Variants in NWD2 observed in about 807,000 individuals in gnomAD.
NWD2 encodes NACHT and WD repeat domain-containing protein 2.
NWD2 carries 37 observed loss-of-function variants against 132.7 expected under a neutral mutation model. That is an observed-to-expected ratio of 0.28 (90% CI 0.21 to 0.37). The LOEUF is 0.37. NWD2 is among the 10% of genes least tolerant of loss of function. NWD2 has a pLI of 1.00. For synonymous variants in NWD2, 705 were observed against 803.0 expected, an observed-to-expected ratio of 0.88 and a Z score of 2.06; for missense variants, 1,592 against 2,122.4, an observed-to-expected ratio of 0.75 and a Z score of 4.91.
intron 1 of NWD2, among the ~76,000 whole-genome samples, chr4:37,266,803 A>G (rs1717760895): frequency 6.6e-6 from 1 of 151,884 alleles, no homozygotes; most frequent in African/African-American, 2.4e-5. Context: ...TGTCTTTCTC[A>G]TTTTCACCCT....
intron 3 of NWD2, among the ~76,000 whole-genome samples, chr4:37,389,967 A>G (rs189792775): frequency 2.0e-5 from 3 of 152,010 alleles, no homozygotes; most frequent in African/African-American, 7.3e-5. Context: ...TCTGGTAGAG[A>G]TGGGGTTTCA....
chr4:37,307,221 C>T (rs1592262), intron 1 of NWD2, among the ~76,000 whole-genome samples: 11,048 of 152,158 alleles, frequency 0.073, 1,233 homozygotes, highest in African/African-American at 0.24. Flanking sequence ...ATCTGCTCTA[C>T]CAGTGTGTTT....
In NWD2 at chr4:37,386,550, C is replaced by T. The variant is rs1375204674; in HGVS notation, c.357+30068C>T. Among the ~76,000 whole-genome samples, 10 of 152,142 alleles carry T rather than the reference C, an allele frequency of 6.6e-5. No individual in the cohort carries two copies. The East Asian group carries it at 1.9e-3, about 29-fold the overall frequency. The stretch of plus-strand genomic sequence containing the variant: ...GCACACCCTGAACATGCAGTCCCAG[C>T]TCTGACCTGTGCTCTGAGCTCTGGG... On this transcript the variant is annotated intron_variant, in intron 3 of 6. Transcript: ENST00000309447.
chr4:37,267,435 C>G (rs1717777563), intron 1 of NWD2, among the ~76,000 whole-genome samples: 1 of 152,024 alleles, frequency 6.6e-6, no homozygotes, highest in East Asian at 1.9e-4. Flanking sequence ...CATAGCAACC[C>G]CATCAGAGCC....
Position 37,343,644 on chromosome 4 carries a change from T to C in NWD2, c.241-12722T>C, listed in dbSNP as rs1037870552. Among the ~76,000 whole-genome samples, 11 of 152,226 alleles carry C rather than the reference T, an allele frequency of 7.2e-5. No homozygotes were observed. In the South Asian group the frequency reaches 1.0e-3, roughly 14 times the overall value. ...TCAGTCATATTATCTCTATAGTTTT[T>C]TCCATTTTGCATTGAGATATTATTC... On this transcript the variant is annotated intron_variant, in intron 2 of 6. Transcript: ENST00000309447.
chr4:37,410,022 G>A (rs1224456978), intron 3 of NWD2, among the ~76,000 whole-genome samples: 1 of 152,144 alleles, frequency 6.6e-6, no homozygotes, highest in Non-Finnish European at 1.5e-5. Flanking sequence ...AACATGGAAA[G>A]GAACAACTGG....
chr4:37,322,430 G>A (rs1370335249), intron 1 of NWD2, among the ~76,000 whole-genome samples: 2 of 152,148 alleles, frequency 1.3e-5, no homozygotes, highest in Non-Finnish European at 2.9e-5. Context: ...ATTCCAGGAC[G>A]ACATCATAGC....
rs141841518 is a variant in NWD2, at chr4:37,430,962, A to G, written c.561+187A>G. ...TTAGGCAAACACAAATGAAACCACA[A>G]TGCCATATCACTTTACACCTGTTAG... On this transcript the variant is annotated intron_variant, in intron 4 of 6. Transcript: ENST00000309447. Among the ~76,000 whole-genome samples the G allele has an allele frequency of 7.9e-5, 12 of 152,270 alleles. No individual in the cohort carries two copies. In the East Asian group the frequency reaches 2.1e-3, roughly 27 times the overall value.
chr4:37,299,650 AG>A (rs1417868304), intron 1 of NWD2, among the ~76,000 whole-genome samples: 1 of 152,160 alleles, frequency 6.6e-6, no homozygotes, highest in Non-Finnish European at 1.5e-5. Flanking sequence ...TGTTGGGTGC[AG>A]GGTGGAGCCT....
intron 3 of NWD2, among the ~76,000 whole-genome samples, chr4:37,366,540 C>A (rs745766091): frequency 6.6e-5 from 10 of 152,088 alleles, no homozygotes; most frequent in Admixed American, 5.2e-4. Context: ...CTATTTTATT[C>A]ACTGTAAATA....
At chr4:37,423,266 A>C (rs1711876958) in intron 3 of NWD2, among the ~76,000 whole-genome samples, 1 of 152,184 alleles carries the variant, frequency 6.6e-6, no homozygotes, top group Non-Finnish European at 1.5e-5. Flanking sequence ...TGTGGACATT[A>C]TTTTAACAGG....
intron 3 of NWD2, among the ~76,000 whole-genome samples, chr4:37,367,231 T>G (rs1262689258): frequency 6.6e-6 from 1 of 152,134 alleles, no homozygotes; most frequent in Non-Finnish European, 1.5e-5. Context: ...CTAAATAAAC[T>G]ATGGGTCAAA....
intron 2 of NWD2, among the ~76,000 whole-genome samples, chr4:37,336,015 G>T (rs141761393): frequency 1.2e-3 from 183 of 151,928 alleles, no homozygotes; most frequent in African/African-American, 4.1e-3. Context: ...TTTCCAACTA[G>T]CCATGTTCTA....
Position 37,445,355 on chromosome 4 carries a change from A to G in NWD2, c.3367A>G (p.Thr1123Ala). Reference protein sequence around the residue: ...AFCGQYLNTTTIFHLGSGEKL... With the variant: ...AFCGQYLNTTAIFHLGSGEKL... ...CTGTGGCCAATACCTGAACACAACC[A>G]CCATATTTCATTTAGGGAGTGGAGA... The change falls in exon 7 of 7, where the codon ACC becomes GCC. Residue 1123 changes from threonine (T) to alanine (A), a missense_variant. Coordinates refer to ENST00000309447, the MANE Select transcript of NWD2 (RefSeq NM_001144990.2). The surrounding 1 kb of genome is among the most constrained non-coding windows in gnomAD (Gnocchi z 4.7). 1 of 1,552,098 alleles carries G rather than the reference A, an allele frequency of 6.4e-7. No individual in the cohort carries two copies. The highest frequency in any genetic ancestry group is 8.7e-7 in the Non-Finnish European group (1 of 1,147,096).
At chr4:37,247,903 C>A (rs1242706244) in intron 1 of NWD2, among the ~76,000 whole-genome samples, 4 of 152,192 alleles carry the variant, frequency 2.6e-5, no homozygotes, top group Non-Finnish European at 5.9e-5. Context: ...AGCCACCGCA[C>A]CTAACCGTAG....
chr4:37,367,683 A>T lies in NWD2; in HGVS notation c.357+11201A>T, dbSNP rs190137255. On this transcript the variant is annotated intron_variant, in intron 3 of 6. Coordinates refer to ENST00000309447, the MANE Select transcript of NWD2 (RefSeq NM_001144990.2). ...CACAGGTAAAATTGAAACCCAAAGA[A>T]GTGAAGGGAATTTTTATTTTCTGAA... 2.2e-3 allele frequency among the ~76,000 whole-genome samples: 334 copies of T among 152,286 alleles called. 3 individuals are homozygous for T. Among genetic ancestry groups the T allele is most frequent in the African/African-American group, 7.6e-3 (315 of 41,568 alleles).
At chr4:37,253,115 C>T (rs2109255844) in intron 1 of NWD2, among the ~76,000 whole-genome samples, 1 of 151,876 alleles carries the variant, frequency 6.6e-6, no homozygotes, top group African/African-American at 2.4e-5. Flanking sequence ...AAGTCCTCAA[C>T]AAGTGTTAAT....
intron 3 of NWD2, among the ~76,000 whole-genome samples, chr4:37,386,330 T>G (rs185120488): frequency 6.6e-6 from 1 of 152,194 alleles, no homozygotes; most frequent in East Asian, 1.9e-4. Flanking sequence ...CATCATGAAT[T>G]TATAGGTCTT....
At chr4:37,290,254 G>T (rs973942639) in intron 1 of NWD2, among the ~76,000 whole-genome samples, 2 of 152,154 alleles carry the variant, frequency 1.3e-5, no homozygotes, top group Non-Finnish European at 2.9e-5. Flanking sequence ...ACATGCAGAA[G>T]CACCAGTAAG....
Sources: gnomAD v4.1 joint callset for allele counts (sites outside exome capture counted in the v4.1 genomes callset) on GRCh38, gnomAD v4.1.1 for gene constraint, Gnocchi (gnomAD v3.1) non-coding constraint, MANE v1.5 for transcripts, NCBI Gene and HGNC (gene_info 2026-07-23, HGNC 2026-07-21) for gene names.